The following ANAPC1 variants were observed in gnomAD, a reference collection of about 807,000 sequenced individuals.
ANAPC1 encodes anaphase promoting complex subunit 1.
ANAPC1 carries 36 observed loss-of-function variants against 208.0 expected under a neutral mutation model. That is an observed-to-expected ratio of 0.17 (90% CI 0.13 to 0.23). ANAPC1 has a LOEUF of 0.23. Among genes scored for constraint, ANAPC1 ranks in the 10% least tolerant of loss-of-function variants. The pLI, the probability that ANAPC1 is intolerant of heterozygous loss-of-function variation, is 1.00. For synonymous variants in ANAPC1, 378 were observed against 695.2 expected, an observed-to-expected ratio of 0.54 and a Z score of 7.18; for missense variants, 942 against 2,011.6, an observed-to-expected ratio of 0.47 and a Z score of 10.17.
intron 28 of ANAPC1, among the ~76,000 whole-genome samples, chr2:111,815,008 A>G (rs1333962736): frequency 6.7e-6 from 1 of 148,756 alleles, no homozygotes; most frequent in South Asian, 2.1e-4. Context: ...CCACAGACCA[A>G]TCAGCATGTA....
intron 7 of ANAPC1, chr2:111,866,285 T>A: frequency 2.6e-6 from 1 of 389,564 alleles, no homozygotes; most frequent in Admixed American, 2.8e-5. Flanking sequence ...GTGTCTTCAA[T>A]GCCTATGTGC....
chr2:111,864,375 A>ATGATG (rs1558734766), intron 8 of ANAPC1, among the ~76,000 whole-genome samples: 4 of 127,692 alleles, frequency 3.1e-5, no homozygotes, highest in South Asian at 2.7e-4. Flanking sequence ...TGATGATGAT[A>ATGATG]ATAAAACTAT....
At chr2:111,769,679 CT>C (rs767767639) in intron 47 of ANAPC1, among the ~76,000 whole-genome samples, 2,727 of 83,188 alleles carry the variant, frequency 0.033, 193 homozygotes, top group African/African-American at 0.093. Context: ...TACTGGCTTT[CT>C]TTTTTTTTTT....
Position 111,858,289 on chromosome 2 carries a change from G to A in ANAPC1, c.1358+17C>T. On this transcript the variant is annotated intron_variant, in intron 11 of 47. Transcript: ENST00000341068. The stretch of plus-strand genomic sequence containing the variant: ...TAAGTTATTTATACAGAAACAATGG[G>A]AAAGACATACACCTACCGTAACTGG... The A allele has an allele frequency of 3.8e-6, 6 of 1,591,328 alleles. No homozygotes were observed. Among genetic ancestry groups the A allele is most frequent in the Non-Finnish European group, 4.3e-6 (5 of 1,165,438 alleles).
Position 111,798,801 on chromosome 2 carries a change from G to A in ANAPC1, c.4296+1996C>T, listed in dbSNP as rs554056230. On this transcript the variant is annotated intron_variant, in intron 34 of 47. Coordinates refer to ENST00000341068, the MANE Select transcript of ANAPC1 (RefSeq NM_022662.4). Reference sequence around the variant, plus strand: ...TGTAATCCCAGCACTTCGGGAGGCCGAGGCGGGCAGATCACGAGGTCAGGA... The same window carrying A: ...TGTAATCCCAGCACTTCGGGAGGCCAAGGCGGGCAGATCACGAGGTCAGGA... 9.8e-3 allele frequency among the ~76,000 whole-genome samples: 1,491 copies of A among 152,352 alleles called. 2 individuals carry two copies. The highest frequency in any genetic ancestry group is 0.016 in the Non-Finnish European group (1,117 of 68,022).
intron 13 of ANAPC1, among the ~76,000 whole-genome samples, chr2:111,854,902 T>C (rs1436502344): frequency 2.0e-5 from 3 of 152,180 alleles, no homozygotes; most frequent in Non-Finnish European, 4.4e-5. Context: ...ATAGCACTTT[T>C]AATTTCCTTC....
chr2:111,845,801 C>T (rs1414931558), intron 16 of ANAPC1, among the ~76,000 whole-genome samples: 6 of 151,676 alleles, frequency 4.0e-5, no homozygotes, highest in Admixed American at 1.3e-4. Context: ...AGTGAAACCC[C>T]GTCTCTACTA....
At chr2:111,838,184 C>G (rs1452104862) in intron 18 of ANAPC1, among the ~76,000 whole-genome samples, 2 of 151,944 alleles carry the variant, frequency 1.3e-5, no homozygotes, top group Non-Finnish European at 2.9e-5. Context: ...TTCAGGTGAT[C>G]AGTTGATACT....
intron 17 of ANAPC1, 117 bp downstream of exon 17, chr2:111,843,295 T>A: frequency 1.0e-6 from 1 of 958,136 alleles, no homozygotes; most frequent in East Asian, 2.6e-5. Context: ...AACCTTAATA[T>A]TATTCTATTA....
At chr2:111,807,605 T>G (rs1290562037) in intron 29 of ANAPC1, among the ~76,000 whole-genome samples, 9 of 151,152 alleles carry the variant, frequency 6.0e-5, no homozygotes, top group Non-Finnish European at 1.2e-4. Flanking sequence ...GGCAGGAGAA[T>G]GGCGTGAACC....
intron 1 of ANAPC1, among the ~76,000 whole-genome samples, chr2:111,882,293 TTATC>T (rs2104621831): frequency 6.6e-6 from 1 of 152,252 alleles, no homozygotes; most frequent in African/African-American, 2.4e-5. Context: ...GTAAAACACT[TTATC>T]TGCTGCAATC....
chr2:111,800,311 T>G (rs1678378400), intron 34 of ANAPC1, among the ~76,000 whole-genome samples: 1 of 140,574 alleles, frequency 7.1e-6, no homozygotes, highest in Non-Finnish European at 1.6e-5. Context: ...CTAAGGGCAG[T>G]GGCTAGTTAC....
downstream of ANAPC1, chr2:111,767,570 T>C (rs1676507151): frequency 6.5e-6 from 1 of 153,756 alleles, no homozygotes; most frequent in Non-Finnish European, 1.4e-5. Flanking sequence ...AGCTGATATT[T>C]GCTTTCATCG....
At chr2:111,874,533 T>C (rs1682924983) in intron 3 of ANAPC1, among the ~76,000 whole-genome samples, 1 of 152,180 alleles carries the variant, frequency 6.6e-6, no homozygotes, top group African/African-American at 2.4e-5. Context: ...TTTGTCCTTT[T>C]ATATCTATTT....
chr2:111,849,066 T>C (rs910079520), intron 14 of ANAPC1, among the ~76,000 whole-genome samples: 1 of 152,228 alleles, frequency 6.6e-6, no homozygotes, highest in Non-Finnish European at 1.5e-5. Context: ...AATTTATATA[T>C]CTCTAAGTGA....
chr2:111,844,551 T>C (rs1476490842), intron 16 of ANAPC1, among the ~76,000 whole-genome samples: 1 of 143,700 alleles, frequency 7.0e-6, no homozygotes, highest in Admixed American at 7.3e-5. Context: ...CCTGGATGAC[T>C]AGAGCGAAAC....
chr2:111,774,781 C>T (rs1206452986), intron 46 of ANAPC1, among the ~76,000 whole-genome samples: 6 of 85,330 alleles, frequency 7.0e-5, no homozygotes, highest in East Asian at 3.1e-4. Context: ...GTACAAATGA[C>T]GCAAAAATAG....
chr2:111,862,124 G>C (rs1298840626), intron 10 of ANAPC1, among the ~76,000 whole-genome samples: 2 of 150,736 alleles, frequency 1.3e-5, no homozygotes, highest in African/African-American at 4.9e-5. Context: ...GGCTGGTCTC[G>C]AACTCCTAGG....
At chr2:111,806,404 G>A (rs1418693759) in intron 29 of ANAPC1, among the ~76,000 whole-genome samples, 1 of 28,194 alleles carries the variant, frequency 3.5e-5, no homozygotes, top group African/African-American at 1.5e-4. Context: ...CCAGGTGCCT[G>A]TAATATCAGC....
Sources: gnomAD v4.1 joint callset for allele counts (sites outside exome capture counted in the v4.1 genomes callset) on GRCh38, gnomAD v4.1.1 for gene constraint, MANE v1.5 for transcripts, NCBI Gene and HGNC (gene_info 2026-07-23, HGNC 2026-07-21) for gene names.